The following BAHCC1 variants were observed in gnomAD, a reference collection of about 807,000 sequenced individuals.
BAHCC1 encodes the protein BAH and coiled-coil domain-containing protein 1.
In BAHCC1, 43 loss-of-function variants were observed where a neutral mutation model predicts 88.2. The observed-to-expected ratio is 0.49, with a 90% CI of 0.38 to 0.63. The LOEUF (loss-of-function observed/expected upper bound fraction) is 0.63. BAHCC1 is among the 20% of genes least tolerant of loss of function. The probability of loss-of-function intolerance (pLI) is 0.00; values close to 1 mark genes in which losing one functional copy is unlikely to be tolerated. For missense variants in BAHCC1, 3,023 were observed against 1,654.8 expected, an observed-to-expected ratio of 1.83 and a Z score of -14.34; for synonymous variants, 1,510 against 745.5, an observed-to-expected ratio of 2.03 and a Z score of -16.71.
intron 6 of BAHCC1, chr17:81,444,127 A>G: frequency 1.7e-6 from 1 of 602,628 alleles, no homozygotes; most frequent in Non-Finnish European, 3.0e-6. Flanking sequence ...CGGTCAGGTT[A>G]CCCACTTTCA....
At chr17:81,436,122 A>C (rs1344664699) in intron 3 of BAHCC1, among the ~76,000 whole-genome samples, 56 of 86,304 alleles carry the variant, frequency 6.5e-4, no homozygotes, top group African/African-American at 9.0e-4. Flanking sequence ...CCATCTCCCC[A>C]CTCCCTCCTC....
chr17:81,401,266 G>C (rs1280432856), intron 2 of BAHCC1: 2 of 152,666 alleles, frequency 1.3e-5, no homozygotes, highest in Non-Finnish European at 2.9e-5. Context: ...AGATTGGAAT[G>C]GGGGAGCCGC....
At position 81,452,126 on chromosome 17, in the gene BAHCC1, G is replaced by C. The variant is rs540057903; in HGVS notation, c.4316+19G>C. ...ACCATGAGTACGCCTGGCGTGGCGG[G>C]GGGGCCTGGGAGGGTCGCAGCACCC... On this transcript the variant is annotated intron_variant, in intron 13 of 27. Coordinates refer to ENST00000675386, the MANE Select transcript of BAHCC1 (RefSeq NM_001377448.1). 1 of 600,024 alleles carries C rather than the reference G, an allele frequency of 1.7e-6. No homozygotes were observed. The allele number at this position is 600,024 out of a possible 1,614,324, so 37.2% of individuals were successfully genotyped here. A position where few individuals can be genotyped will look rare whatever the true frequency, so the allele number is the denominator to read the frequency against.
At chr17:81,456,858 C>G (rs1378772058) in intron 16 of BAHCC1, among the ~76,000 whole-genome samples, 2 of 152,128 alleles carry the variant, frequency 1.3e-5, no homozygotes, top group Non-Finnish European at 1.5e-5. Flanking sequence ...CCACTGGAAG[C>G]ATCCAGGTTA....
chr17:81,404,266 G>C (rs565473470), intron 2 of BAHCC1, among the ~76,000 whole-genome samples: 2 of 152,346 alleles, frequency 1.3e-5, no homozygotes, highest in African/African-American at 4.8e-5. Context: ...AGAGCACAGA[G>C]TTAAATAAAT....
At chr17:81,406,175 G>T (rs1433200885) in intron 2 of BAHCC1, among the ~76,000 whole-genome samples, 1 of 152,198 alleles carries the variant, frequency 6.6e-6, no homozygotes, top group African/African-American at 2.4e-5. Flanking sequence ...TTGTTCCCCT[G>T]AGGAGGGAGG....
chr17:81,429,100 C>T (rs894115125), intron 3 of BAHCC1, among the ~76,000 whole-genome samples: 26 of 152,194 alleles, frequency 1.7e-4, no homozygotes, highest in Admixed American at 7.9e-4. Context: ...CTGGGCGAGA[C>T]GCATCTCCCG....
At chr17:81,407,353 C>T (rs55949026) in intron 2 of BAHCC1, 2 of 519,948 alleles carry the variant, frequency 3.8e-6, no homozygotes, top group African/African-American at 1.9e-5. Context: ...AGAAACCAGC[C>T]TGCTGGCGTC....
chr17:81,425,184 T>G (rs1598471481), intron 2 of BAHCC1, among the ~76,000 whole-genome samples: 1 of 73,894 alleles, frequency 1.4e-5, no homozygotes. Context: ...GTGATAGTGG[T>G]GGGTGATGTG....
At position 81,411,722 on chromosome 17, in the gene BAHCC1, G is replaced by C. The variant is rs2063957473; in HGVS notation, c.178+11805G>C. The C allele has an allele frequency of 6.5e-6, 2 of 307,878 alleles. No homozygotes were observed. The highest frequency in any genetic ancestry group is 4.5e-5 in the African/African-American group (2 of 44,934). The allele number at this position is 307,878 out of a possible 1,614,324, so 19.1% of individuals were successfully genotyped here. ...TCTGCCCAGCCCACCCTGCCAGGGA[G>C]GCCTCAGCATAGTCCTTGAGCTCTG... On this transcript the variant is annotated intron_variant, in intron 2 of 27. Transcript: ENST00000675386. The surrounding 1 kb of genome is among the most constrained non-coding windows in gnomAD (Gnocchi z 6.2).
chr17:81,405,857 C>T (rs1002061455), intron 2 of BAHCC1, among the ~76,000 whole-genome samples: 2 of 152,218 alleles, frequency 1.3e-5, no homozygotes, highest in Non-Finnish European at 2.9e-5. Context: ...TCCTGGCCAA[C>T]GCCCCACCGG....
chr17:81,462,998 G>T (rs1555659944), intron 27 of BAHCC1, 22 bp downstream of exon 27: 1 of 774,266 alleles, frequency 1.3e-6, no homozygotes, highest in South Asian at 1.3e-5. Context: ...ACAGGTGTGG[G>T]GCCCAGCCCC....
chr17:81,438,624 G>T (rs782262378), intron 4 of BAHCC1, 132 bp downstream of exon 4: 18 of 645,466 alleles, frequency 2.8e-5, no homozygotes, highest in Non-Finnish European at 5.1e-5. Flanking sequence ...AGGCCAGGGT[G>T]GGGGCTAGAG....
At position 81,418,814 on chromosome 17, in the gene BAHCC1, T is replaced by TGTGTGTGTGTAC. The variant is rs1568003480; in HGVS notation, c.179-7976_179-7975insACGTGTGTGTGT. On this transcript the variant is annotated intron_variant, in intron 2 of 27. Transcript: ENST00000675386. The stretch of plus-strand genomic sequence containing the variant: ...GTGTGTGCGTGTGTGTGTGTACGTG[T>TGTGTGTGTGTAC]GTGTGTGTGTGTGTGTGTAGCCACT... 9.7e-4 allele frequency among the ~76,000 whole-genome samples: 94 copies of TGTGTGTGTGTAC among 96,986 alleles called. 1 individual carries two copies. The Middle Eastern group carries it at 0.018, about 19-fold the overall frequency. 63.6% of individuals were successfully genotyped at this position (96,986 alleles called of 152,430 possible).
intron 2 of BAHCC1, among the ~76,000 whole-genome samples, chr17:81,419,099 C>A (rs1347179365): frequency 6.6e-6 from 1 of 152,124 alleles, no homozygotes; most frequent in East Asian, 1.9e-4. Context: ...CCTGCAAACA[C>A]CTGCACACCC....
Position 81,399,953 on chromosome 17 carries a change from C to T in BAHCC1, c.178+36C>T, listed in dbSNP as rs2063793166. On this transcript the variant is annotated intron_variant, in intron 2 of 27. Coordinates refer to ENST00000675386, the MANE Select transcript of BAHCC1 (RefSeq NM_001377448.1). This position sits in a 1 kb window ranked among gnomAD's most constrained non-coding sequence, Gnocchi z 4.5. ...GGCCGGGGCGGGCGCGGGACGGGAG[C>T]GTTCGAGAGCGGAACAGGGCGCCCA... is the stretch of plus-strand genomic sequence containing the variant. 1 of 1,297,742 alleles carries T rather than the reference C, an allele frequency of 7.7e-7. No individual in the cohort carries two copies. The highest frequency in any genetic ancestry group is 9.8e-7 in the Non-Finnish European group (1 of 1,016,688). 80.4% of individuals were successfully genotyped at this position (1,297,742 alleles called of 1,614,324 possible). A position where few individuals can be genotyped will look rare whatever the true frequency, so the allele number is the denominator to read the frequency against.
At chr17:81,405,433 T>TA (rs1403468264) in intron 2 of BAHCC1, among the ~76,000 whole-genome samples, 1 of 152,164 alleles carries the variant, frequency 6.6e-6, no homozygotes, top group Non-Finnish European at 1.5e-5. Flanking sequence ...ACATCCACCC[T>TA]GGGGTTGGAG....
chr17:81,454,071 C>T (rs1368926473), intron 14 of BAHCC1, among the ~76,000 whole-genome samples: 7 of 152,240 alleles, frequency 4.6e-5, no homozygotes, highest in African/African-American at 1.7e-4. Flanking sequence ...CTGGGTATCC[C>T]TTTGCACCTG....
chr17:81,463,412 C>CCGGCAGGTTCCT (rs1555660024), intron 27 of BAHCC1, among the ~76,000 whole-genome samples, 199 bp from the exon 28 acceptor site: 4 of 152,232 alleles, frequency 2.6e-5, no homozygotes, highest in African/African-American at 9.6e-5. Context: ...CAGAGGGTCC[C>CCGGCAGGTTCCT]CGGCAGGTTC....
Sources: allele counts gnomAD v4.1 joint callset (sites outside exome capture counted in the v4.1 genomes callset), GRCh38; gene constraint gnomAD v4.1.1; non-coding constraint Gnocchi (gnomAD v3.1); transcripts MANE v1.5; gene names NCBI Gene and HGNC (gene_info 2026-07-23, HGNC 2026-07-21).